ZNF334: variants seen among roughly 807,000 people sequenced by gnomAD.
ZNF334 encodes zinc finger protein 334.
In ZNF334, 14 loss-of-function variants were observed where a neutral mutation model predicts 12.4. That is an observed-to-expected ratio of 1.13 (90% CI 0.74 to 1.76). The LOEUF is 1.76. Among genes scored for constraint, ZNF334 ranks in the 40% most tolerant of loss-of-function variants. ZNF334 has a pLI of 0.00. For missense variants in ZNF334, 797 were observed against 804.5 expected (o/e 0.99, Z 0.11); for synonymous variants, 273 against 269.6 (o/e 1.01, Z -0.12).
At chr20:46,505,288 T>C (rs989544013) in intron 2 of ZNF334, 1 of 152,216 alleles carries the variant, frequency 6.6e-6, no homozygotes, top group Admixed American at 6.5e-5. Flanking sequence ...GGTCAGAGAA[T>C]AGAGGAACTC....
intron 2 of ZNF334, chr20:46,505,644 G>T (rs1206689071): frequency 6.5e-6 from 1 of 153,764 alleles, no homozygotes; most frequent in African/African-American, 2.4e-5. Context: ...GCAAACTTCA[G>T]TCCGTGGGCA....
chr20:46,490,582 C>T, the ZNF334 span, among the ~76,000 whole-genome samples: 1 of 152,112 alleles, frequency 6.6e-6, no homozygotes. Flanking sequence ...TTTTTACAAT[C>T]ACAAGTATAA....
the ZNF334 span, among the ~76,000 whole-genome samples, chr20:46,483,351 T>C: frequency 6.6e-6 from 1 of 152,268 alleles, no homozygotes; most frequent in Admixed American, 6.5e-5. Flanking sequence ...TTATACAACA[T>C]ACTAATTTAA....
At chr20:46,503,912 G>A (rs2061338795) in intron 4 of ZNF334, among the ~76,000 whole-genome samples, 1 of 152,210 alleles carries the variant, frequency 6.6e-6, no homozygotes, top group African/African-American at 2.4e-5. Flanking sequence ...GACAATGGTG[G>A]GTGGGGCAAG....
rs1167401023 is a variant in ZNF334 at position 46,504,446 on chromosome 20, G to A, written c.149-140C>T. 50 of 1,138,026 alleles carry A rather than the reference G, an allele frequency of 4.4e-5. No homozygotes were observed. The South Asian group carries it at 6.8e-4, about 15-fold the overall frequency. The allele number at this position is 1,138,026 out of a possible 1,614,324, so 70.5% of individuals were successfully genotyped here. On this transcript the variant is annotated intron_variant, in intron 3 of 4. Coordinates refer to ENST00000692313, the MANE Select transcript of ZNF334 (RefSeq NM_001353824.2). ...AGTAAAGCTAGAACATTTTGGTGAA[G>A]GGTAGGGGAAGGGCAGTGAATACAT...
At chr20:46,482,811 T>C in the ZNF334 span, among the ~76,000 whole-genome samples, 1 of 152,190 alleles carries the variant, frequency 6.6e-6, no homozygotes, top group Non-Finnish European at 1.5e-5. Flanking sequence ...GCAGCACGCA[T>C]AGATGGCCCT....
At chr20:46,487,969 G>C in the ZNF334 span, among the ~76,000 whole-genome samples, 2 of 152,262 alleles carry the variant, frequency 1.3e-5, no homozygotes, top group East Asian at 3.9e-4. Context: ...GTAGTAACTG[G>C]GTATGTAGGC....
At chr20:46,493,509 C>T in the ZNF334 span, among the ~76,000 whole-genome samples, 6 of 152,132 alleles carry the variant, frequency 3.9e-5, no homozygotes, top group African/African-American at 7.2e-5. Context: ...AATGGTCGGG[C>T]GCAGTGGCTC....
At chr20:46,509,301 A>G (rs1461294476) in intron 2 of ZNF334, among the ~76,000 whole-genome samples, 1 of 150,716 alleles carries the variant, frequency 6.6e-6, no homozygotes, top group Non-Finnish European at 1.5e-5. Context: ...GGATTTCTAG[A>G]AAACAGATCC....
the ZNF334 span, among the ~76,000 whole-genome samples, chr20:46,487,048 A>G: frequency 6.6e-6 from 1 of 151,756 alleles, no homozygotes; most frequent in Non-Finnish European, 1.5e-5. Flanking sequence ...ATGTACGGTT[A>G]CTCCTGTCAA....
At chr20:46,485,424 CAGA>C in the ZNF334 span, 1 of 148,700 alleles carries the variant, frequency 6.7e-6, no homozygotes, top group Non-Finnish European at 1.5e-5. Flanking sequence ...AAAAGTGTCA[CAGA>C]AGGTTTTTTT....
chr20:46,489,425 T>C, the ZNF334 span, among the ~76,000 whole-genome samples: 2 of 152,206 alleles, frequency 1.3e-5, no homozygotes, highest in Admixed American at 6.5e-5. Flanking sequence ...CCCCACCACT[T>C]TGGGAGGCTG....
chr20:46,465,264 C>T, the ZNF334 span: 1 of 174,782 alleles, frequency 5.7e-6, no homozygotes, highest in African/African-American at 2.4e-5. Flanking sequence ...GAGCTGCAGC[C>T]TCCACTGTTA....
intron 2 of ZNF334, among the ~76,000 whole-genome samples, chr20:46,510,748 A>C (rs1248377132): frequency 8.7e-6 from 1 of 114,386 alleles, no homozygotes; most frequent in South Asian, 3.0e-4. Flanking sequence ...ATAGAGTGAG[A>C]GCCCATTTCA....
At chr20:46,470,591 A>G in the ZNF334 span, among the ~76,000 whole-genome samples, 1 of 152,156 alleles carries the variant, frequency 6.6e-6, no homozygotes, top group Non-Finnish European at 1.5e-5. Flanking sequence ...GATAAACACT[A>G]TATTTTTATG....
chr20:46,502,775 T>C lies in ZNF334; in HGVS notation c.564A>G (p.Lys188=), dbSNP rs1338718228. ...TAAGATTTTCGTTTTGATTGCTGGCTTTCCTCATTGGATTGTATCTGTATT... is the reference window on the plus strand; with the variant it reads ...TAAGATTTTCGTTTTGATTGCTGGCCTTCCTCATTGGATTGTATCTGTATT... ...MKKYRYNPMR[K]ASNQNENLIL... The change falls in exon 5 of 5, where the codon AAA becomes AAG. Residue 188 remains lysine, a synonymous_variant. Transcript: ENST00000692313. 11 of 1,613,850 alleles carry C rather than the reference T, an allele frequency of 6.8e-6. No homozygotes were observed. The highest frequency in any genetic ancestry group is 8.5e-6 in the Non-Finnish European group (10 of 1,180,022).
chr20:46,502,134 T>C lies in ZNF334; in HGVS notation c.1205A>G (p.Glu402Gly). ...LTAHQRIHTG[E>G]KPYECSECEK... is the part of the protein sequence containing the mutation. ...ACATTCACTACATTCATAGGGTTTTTCCCCTGTGTGAATTCTCTGATGCGC... is the reference window on the plus strand; with the variant it reads ...ACATTCACTACATTCATAGGGTTTTCCCCCTGTGTGAATTCTCTGATGCGC... Residue 402 changes from glutamate to glycine, a missense_variant, in exon 5 of 5, where the codon GAA becomes GGA. Physicochemically the swap from Glu to Gly is moderately conservative, Grantham distance 98. Coordinates refer to ENST00000692313, the MANE Select transcript of ZNF334 (RefSeq NM_001353824.2). The C allele has an allele frequency of 6.2e-7, 1 of 1,614,176 alleles. No homozygotes were observed. Among genetic ancestry groups the C allele is most frequent in the Non-Finnish European group, 8.5e-7 (1 of 1,180,014 alleles).
the ZNF334 span, among the ~76,000 whole-genome samples, chr20:46,470,673 A>T: frequency 6.6e-6 from 1 of 152,194 alleles, no homozygotes; most frequent in African/African-American, 2.4e-5. Flanking sequence ...CATTTTACGC[A>T]TCTGTAAACA....
the ZNF334 span, chr20:46,492,147 A>G: frequency 6.6e-6 from 1 of 152,628 alleles, no homozygotes; most frequent in Admixed American, 6.5e-5. Context: ...CCATGTAATG[A>G]ATGTAAGAAA....
Sources: gnomAD v4.1 joint callset for allele counts (sites outside exome capture counted in the v4.1 genomes callset) on GRCh38, gnomAD v4.1.1 for gene constraint, MANE v1.5 for transcripts, NCBI Gene and HGNC (gene_info 2026-07-23, HGNC 2026-07-21) for gene names.